TTC7A: variants seen among roughly 807,000 people sequenced by gnomAD.
The protein encoded by TTC7A is tetratricopeptide repeat domain 7A, also known as tetratricopeptide repeat protein 7A.
TTC7A carries 110 observed loss-of-function variants against 103.7 expected under a neutral mutation model. The observed-to-expected ratio is 1.06, with a 90% CI of 0.91 to 1.24. TTC7A has a LOEUF of 1.24. Ranked by LOEUF, TTC7A falls within the 50% of genes most tolerant of loss-of-function variation. The pLI, the probability that TTC7A is intolerant of heterozygous loss-of-function variation, is 0.00. For synonymous variants in TTC7A, 521 were observed against 467.9 expected, an observed-to-expected ratio of 1.11 and a Z score of -1.47; for missense variants, 1,340 against 1,116.3, an observed-to-expected ratio of 1.20 and a Z score of -2.86.
At chr2:46,971,281 G>A (rs1673332743) in intron 3 of TTC7A, among the ~76,000 whole-genome samples, 1 of 152,212 alleles carries the variant, frequency 6.6e-6, no homozygotes, top group Non-Finnish European at 1.5e-5. Flanking sequence ...AGGGAATATC[G>A]GGAAGGGCTT....
At chr2:46,940,830 C>G (rs1670267555), upstream of TTC7A, among the ~76,000 whole-genome samples, 1 of 152,110 alleles carries the variant, frequency 6.6e-6, no homozygotes, top group Admixed American at 6.5e-5. The surrounding 1 kb of genome is among the most constrained non-coding windows in gnomAD (Gnocchi z 4.7). Flanking sequence ...GGGAGGCTCG[C>G]CGTCGGGGTT....
At chr2:46,916,260 C>T in exon 1 of TTC7A, 1 of 787,638 alleles carries the variant, frequency 1.3e-6, no homozygotes, top group Non-Finnish European at 1.5e-6. Flanking sequence ...ACGACCACAA[C>T]ACGCTGGAGC....
At position 46,971,571 on chromosome 2, in the gene TTC7A, T is replaced by G. The variant is rs371395330; in HGVS notation, c.518-3402T>G. 3.3e-5 allele frequency among the ~76,000 whole-genome samples: 5 copies of G among 151,236 alleles called. No homozygotes were observed. In the East Asian group the frequency reaches 7.8e-4, roughly 24 times the overall value. On this transcript the variant is annotated intron_variant, in intron 3 of 19. Transcript: ENST00000319190. ...CTGGAGAGTTTTAGAAGGATCCCCC[T>G]GGGGATTAGAGTGAGACTGGAGGCA...
chr2:46,961,532 G>T (rs961895125), intron 3 of TTC7A, among the ~76,000 whole-genome samples: 3 of 150,112 alleles, frequency 2.0e-5, no homozygotes, highest in Admixed American at 6.7e-5. Flanking sequence ...AGCCGAGATC[G>T]CACCACTGCA....
chr2:46,944,979 C>G (rs1026214258), intron 1 of TTC7A, among the ~76,000 whole-genome samples: 11 of 152,180 alleles, frequency 7.2e-5, no homozygotes, highest in Non-Finnish European at 1.6e-4. Flanking sequence ...TAGGTTAGGT[C>G]TCTGTACCCC....
At chr2:47,046,536 G>A (rs893031190) in intron 16 of TTC7A, 105 bp downstream of exon 16, 2 of 836,220 alleles carry the variant, frequency 2.4e-6, no homozygotes, top group Non-Finnish European at 4.0e-6. Flanking sequence ...GGAGAGTGAG[G>A]CTTTTGAATG....
At chr2:47,058,842 C>G (rs1312685661) in intron 18 of TTC7A, among the ~76,000 whole-genome samples, 1 of 151,956 alleles carries the variant, frequency 6.6e-6, no homozygotes, top group Non-Finnish European at 1.5e-5. Flanking sequence ...GGAGAAACTG[C>G]CCCATTTCCT....
intron 15 of TTC7A, chr2:47,034,377 C>G (rs1680888660): frequency 6.6e-6 from 1 of 152,274 alleles, no homozygotes; most frequent in South Asian, 2.1e-4. Flanking sequence ...TGTGTGAGTC[C>G]TTTCTTCTTG....
At chr2:47,052,488 G>T (rs771433842) in intron 18 of TTC7A, among the ~76,000 whole-genome samples, 2 of 152,202 alleles carry the variant, frequency 1.3e-5, no homozygotes, top group African/African-American at 2.4e-5. Context: ...CTCAGCAAAA[G>T]GTGTTTGGCT....
chr2:46,980,967 C>T (rs374382995), intron 5 of TTC7A, among the ~76,000 whole-genome samples: 3 of 152,196 alleles, frequency 2.0e-5, no homozygotes, highest in South Asian at 2.1e-4. Context: ...GCATGCGGAG[C>T]GTCCAGGGCC....
At chr2:47,062,025 G>T (rs913172656) in intron 19 of TTC7A, among the ~76,000 whole-genome samples, 5 of 152,188 alleles carry the variant, frequency 3.3e-5, no homozygotes, top group Admixed American at 6.5e-5. Flanking sequence ...GAGCACAGAG[G>T]CATCAGGAGA....
At chr2:46,939,692 A>AC (rs1670171936), upstream of TTC7A, among the ~76,000 whole-genome samples, 1 of 151,886 alleles carries the variant, frequency 6.6e-6, no homozygotes, top group Admixed American at 6.6e-5. Flanking sequence ...CCCAGGGCTG[A>AC]CTCCCAGGAA....
At chr2:47,044,010 T>TG (rs1336751254) in intron 15 of TTC7A, among the ~76,000 whole-genome samples, 2 of 152,148 alleles carry the variant, frequency 1.3e-5, no homozygotes, top group African/African-American at 4.8e-5. Context: ...GCAGCAGGGC[T>TG]GGCCTGCCCA....
At chr2:47,026,674 T>C (rs1254260437) in intron 14 of TTC7A, among the ~76,000 whole-genome samples, 1 of 101,328 alleles carries the variant, frequency 9.9e-6, no homozygotes, top group Non-Finnish European at 2.1e-5. Context: ...TTCTGTCCTA[T>C]TCCTTAGTTT....
At chr2:47,062,638 T>C (rs1683882766) in intron 19 of TTC7A, among the ~76,000 whole-genome samples, 2 of 152,254 alleles carry the variant, frequency 1.3e-5, no homozygotes, top group Admixed American at 6.5e-5. Flanking sequence ...TTCACGGATA[T>C]AAGCCTGCAG....
At chr2:46,993,876 C>T (rs1675884182) in intron 6 of TTC7A, among the ~76,000 whole-genome samples, 1 of 152,180 alleles carries the variant, frequency 6.6e-6, no homozygotes, top group Admixed American at 6.5e-5. Flanking sequence ...ATTGACCCTG[C>T]TTGCCTGCCC....
intron 3 of TTC7A, among the ~76,000 whole-genome samples, chr2:46,967,972 G>A (rs1452854177): frequency 6.6e-6 from 1 of 152,062 alleles, no homozygotes; most frequent in Non-Finnish European, 1.5e-5. Flanking sequence ...TGCTGCAGCT[G>A]TCCTCGTGCC....
chr2:47,062,981 C>T (rs1464420454), intron 19 of TTC7A, among the ~76,000 whole-genome samples: 1 of 152,246 alleles, frequency 6.6e-6, no homozygotes, highest in Non-Finnish European at 1.5e-5. Context: ...AGGCTCTGTT[C>T]CTGCCAGCAT....
At position 46,963,992 on chromosome 2, in the gene TTC7A, G is replaced by A. The variant is rs556853213; in HGVS notation, c.517+6985G>A. Among the ~76,000 whole-genome samples the A allele has an allele frequency of 1.3e-4, 20 of 152,318 alleles. 1 individual carries two copies. The South Asian group carries it at 3.9e-3, about 30-fold the overall frequency. ...AATGGTTCCTCAAAGGAAAACCAGG[G>A]TACGGTTATGAAAGTAGGTAAAAGG... On this transcript the variant is annotated intron_variant, in intron 3 of 19. Transcript: ENST00000319190.
Sources: allele counts gnomAD v4.1 joint callset (sites outside exome capture counted in the v4.1 genomes callset), GRCh38; gene constraint gnomAD v4.1.1; non-coding constraint Gnocchi (gnomAD v3.1); transcripts MANE v1.5; gene names NCBI Gene and HGNC (gene_info 2026-07-23, HGNC 2026-07-21).